RPS6KC1: variants seen among roughly 807,000 people sequenced by gnomAD.
The protein encoded by RPS6KC1 is inactive ribosomal protein S6 kinase delta-1.
A neutral mutation model predicts 103.8 loss-of-function variants in RPS6KC1; 54 were observed. That is an observed-to-expected ratio of 0.52 (90% confidence interval 0.42 to 0.65). The LOEUF is 0.65. RPS6KC1 is among the 30% of genes least tolerant of loss of function. The pLI, the probability that RPS6KC1 is intolerant of heterozygous loss-of-function variation, is 0.00. For synonymous variants in RPS6KC1, 439 were observed against 438.7 expected (o/e 1.00, Z -0.01); for missense variants, 1,151 against 1,253.8 (o/e 0.92, Z 1.24).
At chr1:213,154,048 G>C (rs1300320379) in intron 6 of RPS6KC1, among the ~76,000 whole-genome samples, 11 of 152,158 alleles carry the variant, frequency 7.2e-5, no homozygotes, top group Admixed American at 6.5e-4. Context: ...GACAAGATCA[G>C]GGAGAATTCT....
intron 14 of RPS6KC1, 39 bp from the exon 15 acceptor site, chr1:213,272,484 AG>A: frequency 6.8e-7 from 1 of 1,461,172 alleles, no homozygotes; most frequent in Non-Finnish European, 9.6e-7. Context: ...TTGATTTGCC[AG>A]TTGGATTCCT....
At chr1:213,486,151 G>A in the RPS6KC1 span, among the ~76,000 whole-genome samples, 120 of 152,208 alleles carry the variant, frequency 7.9e-4, no homozygotes, top group African/African-American at 2.7e-3. Context: ...ATCTTTTCTT[G>A]ATCTTTGAAA....
At chr1:213,331,102 G>A in the RPS6KC1 span, among the ~76,000 whole-genome samples, 1 of 152,242 alleles carries the variant, frequency 6.6e-6, no homozygotes, top group Non-Finnish European at 1.5e-5. Context: ...CATGGTTGGA[G>A]GTGAGCCAGT....
At chr1:213,272,249 A>G (rs903357932) in intron 14 of RPS6KC1, among the ~76,000 whole-genome samples, 2 of 152,226 alleles carry the variant, frequency 1.3e-5, no homozygotes, top group African/African-American at 4.8e-5. Context: ...TAACTATCCT[A>G]TTATATTACA....
At chr1:213,569,776 C>T in the RPS6KC1 span, among the ~76,000 whole-genome samples, 1 of 152,132 alleles carries the variant, frequency 6.6e-6, no homozygotes, top group Non-Finnish European at 1.5e-5. Context: ...AGCATTCAGC[C>T]ATCATTCCCT....
intron 8 of RPS6KC1, among the ~76,000 whole-genome samples, chr1:213,182,042 A>G (rs1000809650): frequency 2.0e-5 from 3 of 152,210 alleles, no homozygotes; most frequent in Admixed American, 6.5e-5. Flanking sequence ...ATTTAAGGCA[A>G]TTATAAATGA....
At chr1:213,077,587 G>A (rs2079460224) in intron 2 of RPS6KC1, 109 bp from the exon 3 acceptor site, 1 of 580,680 alleles carries the variant, frequency 1.7e-6, no homozygotes, top group Non-Finnish European at 2.9e-6. Context: ...TAGGACATGT[G>A]TTTGCCTTTG....
At chr1:213,604,426 C>T in the RPS6KC1 span, among the ~76,000 whole-genome samples, 2 of 152,248 alleles carry the variant, frequency 1.3e-5, no homozygotes, top group Non-Finnish European at 2.9e-5. Flanking sequence ...TGATTTTCCC[C>T]TGTTATCAAT....
At chr1:213,684,258 A>G in the RPS6KC1 span, among the ~76,000 whole-genome samples, 1 of 152,160 alleles carries the variant, frequency 6.6e-6, no homozygotes, top group African/African-American at 2.4e-5. Flanking sequence ...TGATCCTCAC[A>G]GCAACCCGGG....
At chr1:213,116,139 T>G in intron 4 of RPS6KC1, among the ~76,000 whole-genome samples, 1 of 152,072 alleles carries the variant, frequency 6.6e-6, no homozygotes, top group East Asian at 1.9e-4. Flanking sequence ...ATCTGTCTAA[T>G]GTTGACAGTG....
In RPS6KC1 at chr1:213,104,443, T is replaced by C; in HGVS notation, c.263-11T>C. ...TTCTTCCCTTAAGTGTTGATTCTTA[T>C]TTAATTGTAGGGCGATTTGATGAAA... is the stretch of plus-strand genomic sequence containing the variant. On this transcript the variant is annotated splice_polypyrimidine_tract_variant and intron_variant, in intron 3 of 14. Coordinates refer to ENST00000366960, the MANE Select transcript of RPS6KC1 (RefSeq NM_012424.6). The C allele has an allele frequency of 6.4e-7, 1 of 1,560,804 alleles. No individual in the cohort carries two copies. Among genetic ancestry groups the C allele is most frequent in the African/African-American group, 1.4e-5 (1 of 73,902 alleles).
the RPS6KC1 span, among the ~76,000 whole-genome samples, chr1:213,547,643 T>A: frequency 2.8e-4 from 43 of 152,330 alleles, no homozygotes; most frequent in African/African-American, 1.0e-3. Context: ...TATGAATGGT[T>A]GTCCTCTTGG....
the RPS6KC1 span, among the ~76,000 whole-genome samples, chr1:213,282,867 A>G: frequency 2.0e-5 from 3 of 152,344 alleles, no homozygotes; most frequent in African/African-American, 7.2e-5. Context: ...ACCAGATTAC[A>G]TATGCTTTCA....
the RPS6KC1 span, among the ~76,000 whole-genome samples, chr1:213,641,034 A>G: frequency 1.3e-5 from 2 of 151,700 alleles, no homozygotes; most frequent in Admixed American, 1.3e-4. Flanking sequence ...ACACATTTAG[A>G]ATTGTTATGT....
At chr1:213,590,275 A>C in the RPS6KC1 span, among the ~76,000 whole-genome samples, 42 of 152,254 alleles carry the variant, frequency 2.8e-4, no homozygotes, top group African/African-American at 9.6e-4. Flanking sequence ...GACTAAAAGT[A>C]GGCCACATTT....
chr1:213,460,336 C>T, the RPS6KC1 span, among the ~76,000 whole-genome samples: 1 of 150,784 alleles, frequency 6.6e-6, no homozygotes, highest in South Asian at 2.1e-4. Context: ...ATGTAATGCC[C>T]TTCTTTGTCT....
the RPS6KC1 span, among the ~76,000 whole-genome samples, chr1:213,480,160 T>C: frequency 5.3e-5 from 8 of 152,058 alleles, no homozygotes; most frequent in Non-Finnish European, 1.2e-4. Flanking sequence ...GGCATTTTGA[T>C]TGGAATTACA....
chr1:213,164,342 T>C (rs995948983), intron 6 of RPS6KC1, among the ~76,000 whole-genome samples: 2 of 152,118 alleles, frequency 1.3e-5, no homozygotes, highest in African/African-American at 4.8e-5. Context: ...GGTAATTGAG[T>C]GTTTCTGTAA....
At chr1:213,448,617 C>A in the RPS6KC1 span, among the ~76,000 whole-genome samples, 2 of 152,208 alleles carry the variant, frequency 1.3e-5, no homozygotes, top group South Asian at 4.1e-4. Flanking sequence ...TCCACGCAAG[C>A]CAGAGCATGA....
Sources: gnomAD v4.1 joint callset for allele counts (sites outside exome capture counted in the v4.1 genomes callset) on GRCh38, gnomAD v4.1.1 for gene constraint, MANE v1.5 for transcripts, NCBI Gene and HGNC (gene_info 2026-07-23, HGNC 2026-07-21) for gene names.